NEK11: variants seen among roughly 807,000 people sequenced by gnomAD.
The protein encoded by NEK11 is NIMA related kinase 11, also known as serine/threonine-protein kinase Nek11.
NEK11 carries 72 observed loss-of-function variants against 80.7 expected under a neutral mutation model. The ratio of observed to expected loss-of-function variants is 0.89; its 90% CI spans 0.74 to 1.08. The LOEUF (loss-of-function observed/expected upper bound fraction) is 1.08, where lower values mean the gene tolerates loss of function less well. Ranked by LOEUF, NEK11 falls within the 50% of genes least tolerant of loss-of-function variation. NEK11 has a pLI of 0.00. For synonymous variants in NEK11, 251 were observed against 260.7 expected (o/e 0.96, Z 0.36); for missense variants, 764 against 763.6 (o/e 1.00, Z -0.01).
At chr3:131,253,566 T>G (rs1307182934) in intron 16 of NEK11, among the ~76,000 whole-genome samples, 1 of 152,148 alleles carries the variant, frequency 6.6e-6, no homozygotes, top group Non-Finnish European at 1.5e-5. Flanking sequence ...TACAAATGTT[T>G]ATAAAGTTTG....
At chr3:131,332,792 G>A (rs1047159760) in intron 17 of NEK11, among the ~76,000 whole-genome samples, 12 of 152,204 alleles carry the variant, frequency 7.9e-5, no homozygotes, top group Admixed American at 1.3e-4. Flanking sequence ...GGAGCTGAAA[G>A]CCAAGGCTCG....
intron 17 of NEK11, among the ~76,000 whole-genome samples, chr3:131,305,392 C>T (rs2096712455): frequency 2.0e-5 from 3 of 152,038 alleles, no homozygotes; most frequent in Admixed American, 2.0e-4. Context: ...CAAGGCTGCA[C>T]TGCTAGCAGG....
At chr3:131,229,862 T>C (rs2107813653) in intron 15 of NEK11, among the ~76,000 whole-genome samples, 1 of 152,160 alleles carries the variant, frequency 6.6e-6, no homozygotes, top group Non-Finnish European at 1.5e-5. Context: ...CAAATACATT[T>C]GGAGAAAAAT....
chr3:131,034,911 T>C (rs889907136), intron 3 of NEK11, among the ~76,000 whole-genome samples: 35 of 152,334 alleles, frequency 2.3e-4, no homozygotes, highest in African/African-American at 7.9e-4. Flanking sequence ...TTATCTTACT[T>C]GTTTCTGTGT....
At chr3:131,207,935 G>A (rs916444239) in intron 14 of NEK11, among the ~76,000 whole-genome samples, 4 of 152,040 alleles carry the variant, frequency 2.6e-5, no homozygotes, top group African/African-American at 4.8e-5. Flanking sequence ...CTCTGATCGT[G>A]GTTTCTTTTG....
chr3:131,298,926 G>GTT (rs201091833), intron 17 of NEK11, among the ~76,000 whole-genome samples: 37 of 119,550 alleles, frequency 3.1e-4, no homozygotes, highest in Admixed American at 6.7e-4. Flanking sequence ...ATTCTCTTCT[G>GTT]TTTTTTTTTT....
chr3:131,102,738 A>G (rs1020071735), intron 4 of NEK11, among the ~76,000 whole-genome samples: 3 of 151,948 alleles, frequency 2.0e-5, no homozygotes, highest in Non-Finnish European at 2.9e-5. Context: ...CATTAGGGAA[A>G]TTTTCATGGA....
intron 17 of NEK11, among the ~76,000 whole-genome samples, chr3:131,278,000 T>A (rs949749922): frequency 3.3e-5 from 5 of 152,226 alleles, no homozygotes; most frequent in Non-Finnish European, 1.5e-5. Flanking sequence ...AAGCCAAGTG[T>A]CTGAAGGTGT....
At position 131,271,443 on chromosome 3, in the gene NEK11, G is replaced by T. The variant is rs538136038; in HGVS notation, c.1622-2035G>T. Among the ~76,000 whole-genome samples, 4 of 152,272 alleles carry T rather than the reference G, an allele frequency of 2.6e-5. No individual in the cohort carries two copies. In the South Asian group the frequency reaches 8.3e-4, roughly 32 times the overall value. On this transcript the variant is annotated intron_variant, in intron 16 of 17. Transcript: ENST00000383366. ...CAAAGTGGGATACATGCCCCAACAG[G>T]TAGTGCAAAAGGAGGATGTATGTGA...
At chr3:131,141,152 G>T (rs1015250193) in intron 7 of NEK11, among the ~76,000 whole-genome samples, 9 of 152,014 alleles carry the variant, frequency 5.9e-5, no homozygotes, top group African/African-American at 1.9e-4. Flanking sequence ...CTTGCCCCTA[G>T]GGTGGTATTT....
intron 7 of NEK11, among the ~76,000 whole-genome samples, chr3:131,146,776 T>C (rs753416556): frequency 6.6e-6 from 1 of 152,096 alleles, no homozygotes; most frequent in Admixed American, 6.6e-5. Context: ...TACACAGTGG[T>C]TGTAATTCGC....
intron 17 of NEK11, among the ~76,000 whole-genome samples, chr3:131,332,655 G>C (rs1227260564): frequency 2.0e-5 from 3 of 152,184 alleles, no homozygotes; most frequent in Non-Finnish European, 4.4e-5. Flanking sequence ...GGCTTCAGAT[G>C]ATCAAAATAC....
chr3:131,251,747 G>C (rs2095707775), intron 16 of NEK11, among the ~76,000 whole-genome samples: 2 of 151,986 alleles, frequency 1.3e-5, no homozygotes, highest in African/African-American at 4.8e-5. Flanking sequence ...CCCTTCTACT[G>C]CTTCTTATGA....
chr3:131,135,219 G>A (rs893347916), intron 7 of NEK11, among the ~76,000 whole-genome samples: 1 of 152,090 alleles, frequency 6.6e-6, no homozygotes, highest in Admixed American at 6.6e-5. Flanking sequence ...TCTGGGTATG[G>A]CAATTCCCCA....
At chr3:131,345,791 G>A (rs1207476658) in intron 17 of NEK11, among the ~76,000 whole-genome samples, 1 of 152,096 alleles carries the variant, frequency 6.6e-6, no homozygotes, top group Admixed American at 6.5e-5. Context: ...GTCTATCAAT[G>A]GAGAAGTGGA....
chr3:131,309,577 TG>T (rs1172226056), intron 17 of NEK11, among the ~76,000 whole-genome samples: 10 of 151,018 alleles, frequency 6.6e-5, no homozygotes, highest in Non-Finnish European at 1.5e-4. Flanking sequence ...CTTTATGAAC[TG>T]GAACATCTGG....
chr3:131,190,320 G>C (rs1485046622), intron 14 of NEK11, among the ~76,000 whole-genome samples: 5 of 152,166 alleles, frequency 3.3e-5, no homozygotes, highest in Admixed American at 6.5e-5. Context: ...GGGGGCGATG[G>C]AAAATAAACA....
intron 3 of NEK11, among the ~76,000 whole-genome samples, chr3:131,079,142 T>C (rs2074848111): frequency 6.6e-6 from 1 of 152,218 alleles, no homozygotes; most frequent in African/African-American, 2.4e-5. Flanking sequence ...TTAAGTTATA[T>C]TGAAGTCATA....
chr3:131,167,903 A>G (rs2092374708), intron 12 of NEK11, among the ~76,000 whole-genome samples: 1 of 152,172 alleles, frequency 6.6e-6, no homozygotes, highest in Non-Finnish European at 1.5e-5. Flanking sequence ...TGATCTTCTG[A>G]GATTAGTGCC....
Sources: gnomAD v4.1 joint callset for allele counts (sites outside exome capture counted in the v4.1 genomes callset) on GRCh38, gnomAD v4.1.1 for gene constraint, MANE v1.5 for transcripts, NCBI Gene and HGNC (gene_info 2026-07-23, HGNC 2026-07-21) for gene names.